The following ARHGAP15 variants were observed in gnomAD, a reference collection of about 807,000 sequenced individuals.
ARHGAP15 encodes Rho GTPase activating protein 15.
In ARHGAP15, 51 loss-of-function variants were observed where a neutral mutation model predicts 63.7. That is an observed-to-expected ratio of 0.80 (90% CI 0.64 to 1.01). The LOEUF (loss-of-function observed/expected upper bound fraction) is 1.01, where lower values mean the gene tolerates loss of function less well. Ranked by LOEUF, ARHGAP15 falls within the 50% of genes least tolerant of loss-of-function variation. ARHGAP15 has a pLI of 0.00. For synonymous variants in ARHGAP15, 191 were observed against 193.8 expected, an observed-to-expected ratio of 0.99 and a Z score of 0.12; for missense variants, 560 against 564.6, an observed-to-expected ratio of 0.99 and a Z score of 0.08.
At chr2:143,350,382 CTGTT>C (rs778880637) in intron 6 of ARHGAP15, among the ~76,000 whole-genome samples, 190 of 152,078 alleles carry the variant, frequency 1.2e-3, no homozygotes, top group Non-Finnish European at 2.2e-3. Flanking sequence ...CATAAGAAAA[CTGTT>C]TGCCTTTTTA....
chr2:143,690,278 GTTTTC>G (rs1382593662), intron 12 of ARHGAP15, among the ~76,000 whole-genome samples: 2 of 152,188 alleles, frequency 1.3e-5, no homozygotes, highest in African/African-American at 2.4e-5. Flanking sequence ...ATTCTATTAT[GTTTTC>G]TTTGCTTTGA....
At chr2:143,485,653 A>C (rs1574514599) in intron 8 of ARHGAP15, among the ~76,000 whole-genome samples, 1 of 150,824 alleles carries the variant, frequency 6.6e-6, no homozygotes, top group Admixed American at 6.6e-5. Flanking sequence ...GTCTGGAGGC[A>C]TTTTTTTTTA....
At chr2:143,527,278 A>G (rs958396111) in intron 10 of ARHGAP15, among the ~76,000 whole-genome samples, 4 of 152,068 alleles carry the variant, frequency 2.6e-5, no homozygotes, top group African/African-American at 9.7e-5. Context: ...TTTGTACAGG[A>G]TATTTAGAAC....
intron 6 of ARHGAP15, among the ~76,000 whole-genome samples, chr2:143,310,500 A>C (rs1166814753): frequency 2.0e-5 from 3 of 151,876 alleles, no homozygotes; most frequent in Admixed American, 6.6e-5. Flanking sequence ...TTTTATATTT[A>C]TTTTCCATGG....
At chr2:143,413,966 T>TGTGTGTGTGTGTGTGCGCGCGC in intron 6 of ARHGAP15, among the ~76,000 whole-genome samples, 45 of 117,918 alleles carry the variant, frequency 3.8e-4, no homozygotes, top group African/African-American at 1.6e-3. Flanking sequence ...TGTGTGTGTG[T>TGTGTGTGTGTGTGTGCGCGCGC]GCGCGCTCTC....
chr2:143,522,954 G>T (rs957469786), intron 10 of ARHGAP15, among the ~76,000 whole-genome samples: 1 of 152,100 alleles, frequency 6.6e-6, no homozygotes, highest in Non-Finnish European at 1.5e-5. Flanking sequence ...AGATAGAAGG[G>T]CCTAGGAGAC....
chr2:143,183,398 G>A (rs1691312577), intron 2 of ARHGAP15, among the ~76,000 whole-genome samples: 1 of 152,172 alleles, frequency 6.6e-6, no homozygotes, highest in South Asian at 2.1e-4. Flanking sequence ...GACTTAAGGT[G>A]TCTTTCAGAT....
chr2:143,230,474 A>G (rs1336239620), intron 5 of ARHGAP15, among the ~76,000 whole-genome samples: 3 of 152,082 alleles, frequency 2.0e-5, no homozygotes, highest in African/African-American at 4.8e-5. Context: ...AATAGACTTG[A>G]CTTGTAGAAG....
At position 143,441,090 on chromosome 2, in the gene ARHGAP15, T is replaced by G. The variant is rs182653350; in HGVS notation, c.703+4048T>G. Among the ~76,000 whole-genome samples, 309 of 152,232 alleles carry G rather than the reference T, an allele frequency of 2.0e-3. 2 individuals carry two copies. The highest frequency in any genetic ancestry group is 7.3e-3 in the African/African-American group (303 of 41,546). On this transcript the variant is annotated intron_variant, in intron 8 of 13. Transcript: ENST00000295095. ...TACTTAGCTCATAGCAGGCACTCAGTAAGTAGGAGCTCTTATTATTATCCT... is the reference window on the plus strand; with the variant it reads ...TACTTAGCTCATAGCAGGCACTCAGGAAGTAGGAGCTCTTATTATTATCCT...
intron 13 of ARHGAP15, among the ~76,000 whole-genome samples, chr2:143,732,011 C>G (rs533080019): frequency 3.7e-4 from 56 of 152,300 alleles, no homozygotes; most frequent in Non-Finnish European, 6.6e-4. Context: ...GCAAAATTGC[C>G]TTCCTTCTCA....
chr2:143,527,062 C>T (rs535467949), intron 10 of ARHGAP15, among the ~76,000 whole-genome samples: 1 of 152,178 alleles, frequency 6.6e-6, no homozygotes, highest in South Asian at 2.1e-4. Context: ...AAATATTATA[C>T]TCCTTTGTGG....
intron 2 of ARHGAP15, among the ~76,000 whole-genome samples, chr2:143,164,776 G>A (rs757485193): frequency 3.2e-4 from 48 of 151,500 alleles, no homozygotes; most frequent in Admixed American, 2.1e-3. Context: ...AGAAAAAGCA[G>A]CATGTTGCTT....
intron 6 of ARHGAP15, among the ~76,000 whole-genome samples, chr2:143,397,461 A>T (rs1372674828): frequency 1.3e-5 from 2 of 151,930 alleles, no homozygotes; most frequent in Non-Finnish European, 2.9e-5. Flanking sequence ...ATTGCTTATT[A>T]AAAAATTGCT....
At chr2:143,192,620 C>T (rs1000912606) in intron 2 of ARHGAP15, among the ~76,000 whole-genome samples, 7 of 152,204 alleles carry the variant, frequency 4.6e-5, no homozygotes, top group Non-Finnish European at 1.5e-5. Flanking sequence ...TATTCCTCTC[C>T]ACGGGTTTGC....
At chr2:143,370,592 T>G (rs906730969) in intron 6 of ARHGAP15, among the ~76,000 whole-genome samples, 1 of 152,218 alleles carries the variant, frequency 6.6e-6, no homozygotes. Flanking sequence ...TGATGCCTTA[T>G]GAGGAAATTA....
chr2:143,559,579 C>T (rs1364443907), intron 11 of ARHGAP15, among the ~76,000 whole-genome samples: 1 of 152,224 alleles, frequency 6.6e-6, no homozygotes, highest in African/African-American at 2.4e-5. Flanking sequence ...ATACCAACCC[C>T]TTTCAAAATT....
rs1178526279 is a variant in ARHGAP15, at chr2:143,373,649, A to AC, written c.475-61952_475-61951insC. Among the ~76,000 whole-genome samples the AC allele has an allele frequency of 5.4e-3, 689 of 127,840 alleles. 25 individuals carry two copies. Among genetic ancestry groups the AC allele is most frequent in the East Asian group, 0.025 (104 of 4,126 alleles). 83.9% of individuals were successfully genotyped at this position (127,840 alleles called of 152,430 possible). On this transcript the variant is annotated intron_variant, in intron 6 of 13. Coordinates refer to ENST00000295095, the MANE Select transcript of ARHGAP15 (RefSeq NM_018460.4). ...TATCTCAAAAAAAAAAAAAAAAAAA[A>AC]AAAAAAAAAAACACAGAAATGTCTC...
chr2:143,380,963 G>C (rs899379542), intron 6 of ARHGAP15, among the ~76,000 whole-genome samples: 2 of 152,118 alleles, frequency 1.3e-5, no homozygotes, highest in Non-Finnish European at 2.9e-5. Flanking sequence ...GATGACCCTG[G>C]ACTGTTAGTT....
chr2:143,639,541 T>C (rs1158150377), intron 12 of ARHGAP15, among the ~76,000 whole-genome samples: 1 of 152,124 alleles, frequency 6.6e-6, no homozygotes, highest in African/African-American at 2.4e-5. Flanking sequence ...CTGTGCAAAA[T>C]GCATCACTAG....
Sources: gnomAD v4.1 joint callset for allele counts (sites outside exome capture counted in the v4.1 genomes callset) on GRCh38, gnomAD v4.1.1 for gene constraint, MANE v1.5 for transcripts, NCBI Gene and HGNC (gene_info 2026-07-23, HGNC 2026-07-21) for gene names.